MYRIP: variants seen among roughly 807,000 people sequenced by gnomAD.
MYRIP encodes the protein myosin VIIA and Rab interacting protein, also known as rab effector MyRIP.
MYRIP carries 49 observed loss-of-function variants against 98.0 expected under a neutral mutation model. That is an observed-to-expected ratio of 0.50 (90% CI 0.40 to 0.63). The LOEUF is 0.63. MYRIP is among the 30% of genes least tolerant of loss of function. MYRIP has a pLI of 0.00. For missense variants in MYRIP, 1,004 were observed against 1,058.2 expected (o/e 0.95, Z 0.71); for synonymous variants, 404 against 409.5 (o/e 0.99, Z 0.16).
chr3:39,862,809 C>A (rs1346089120), intron 1 of MYRIP, among the ~76,000 whole-genome samples: 1 of 152,166 alleles, frequency 6.6e-6, no homozygotes, highest in Non-Finnish European at 1.5e-5. Context: ...CTACAGAACT[C>A]TCCACTCCAA....
chr3:40,165,462 C>T (rs1950481134), intron 5 of MYRIP, among the ~76,000 whole-genome samples: 1 of 152,110 alleles, frequency 6.6e-6, no homozygotes, highest in Non-Finnish European at 1.5e-5. Flanking sequence ...CAACAGCTTA[C>T]AGGAGATTTG....
chr3:39,987,053 A>G (rs1333199877), intron 2 of MYRIP, among the ~76,000 whole-genome samples: 1 of 152,114 alleles, frequency 6.6e-6, no homozygotes, highest in Non-Finnish European at 1.5e-5. Flanking sequence ...GCTTTGTTAC[A>G]TAGGTATATG....
chr3:40,148,173 A>G (rs946688267), intron 3 of MYRIP, among the ~76,000 whole-genome samples: 2 of 152,110 alleles, frequency 1.3e-5, no homozygotes, highest in African/African-American at 2.4e-5. Flanking sequence ...TTTGCAAAGT[A>G]TTATTTTTTT....
chr3:40,146,424 A>C (rs576667212), intron 3 of MYRIP, among the ~76,000 whole-genome samples: 11 of 152,242 alleles, frequency 7.2e-5, no homozygotes, highest in Non-Finnish European at 2.9e-5. Flanking sequence ...ACATGTGCTC[A>C]GGAAAACCCA....
At chr3:40,092,037 G>A (rs2125883570) in intron 3 of MYRIP, among the ~76,000 whole-genome samples, 1 of 152,292 alleles carries the variant, frequency 6.6e-6, no homozygotes, top group Non-Finnish European at 1.5e-5. Flanking sequence ...AGCTCTGTAA[G>A]CCTTGAAATG....
intron 4 of MYRIP, among the ~76,000 whole-genome samples, chr3:40,156,793 T>C (rs1950252245): frequency 6.6e-6 from 1 of 152,058 alleles, no homozygotes; most frequent in East Asian, 1.9e-4. Context: ...GGCTCTCTGT[T>C]TGTCTGTTGT....
chr3:40,165,271 C>T (rs994219514), intron 5 of MYRIP, among the ~76,000 whole-genome samples: 4 of 152,244 alleles, frequency 2.6e-5, no homozygotes, highest in African/African-American at 9.6e-5. Context: ...GTGACATACT[C>T]ATCAGCTAGC....
intron 1 of MYRIP, among the ~76,000 whole-genome samples, chr3:39,827,810 A>G (rs1941315667): frequency 6.6e-6 from 1 of 152,004 alleles, no homozygotes; most frequent in Admixed American, 6.5e-5. Flanking sequence ...TTGCTTGTCT[A>G]TGAAAGATTT....
At chr3:39,962,133 T>C (rs890506343) in intron 2 of MYRIP, among the ~76,000 whole-genome samples, 3 of 152,130 alleles carry the variant, frequency 2.0e-5, no homozygotes, top group Non-Finnish European at 4.4e-5. Context: ...CTTGAACAAG[T>C]GGCTTAACTT....
intron 3 of MYRIP, among the ~76,000 whole-genome samples, chr3:40,127,238 A>C (rs981285936): frequency 7.2e-5 from 11 of 152,212 alleles, no homozygotes; most frequent in African/African-American, 2.7e-4. Context: ...TCTATAGTAG[A>C]CGCTTAAGCA....
rs143478133 is a variant in MYRIP, at chr3:39,998,471, C to T, written c.111-45579C>T. ...AAATACCTAGGAATCCAACTAACAA[C>T]GGACGTGAAGGACCTCTTCAAGGAG... is the stretch of plus-strand genomic sequence containing the variant. On this transcript the variant is annotated intron_variant, in intron 2 of 16. Coordinates refer to ENST00000302541, the MANE Select transcript of MYRIP (RefSeq NM_015460.4). Among the ~76,000 whole-genome samples the T allele has an allele frequency of 7.8e-3, 1,184 of 152,188 alleles. 12 individuals are homozygous for T. The highest frequency in any genetic ancestry group is 0.027 in the African/African-American group (1,132 of 41,506).
intron 1 of MYRIP, among the ~76,000 whole-genome samples, chr3:39,823,210 G>T (rs1156424052): frequency 6.6e-6 from 1 of 151,962 alleles, no homozygotes; most frequent in African/African-American, 2.4e-5. Flanking sequence ...AGTCGAGATG[G>T]GGTTTTGTCA....
chr3:40,107,801 G>A lies in MYRIP; in HGVS notation c.333-43247G>A, dbSNP rs563281069. Among the ~76,000 whole-genome samples, 4 of 152,156 alleles carry A rather than the reference G, an allele frequency of 2.6e-5. No homozygotes were observed. In the South Asian group the frequency reaches 8.3e-4, roughly 31 times the overall value. Reference sequence around the variant, plus strand: ...AACTAACTGACTGCATTTTAAGTCAGAATTGACAGATACTTTATACAAGGT... The same window carrying A: ...AACTAACTGACTGCATTTTAAGTCAAAATTGACAGATACTTTATACAAGGT... On this transcript the variant is annotated intron_variant, in intron 3 of 16. Coordinates refer to ENST00000302541, the MANE Select transcript of MYRIP (RefSeq NM_015460.4).
At chr3:39,878,900 C>CAA (rs140566973) in intron 1 of MYRIP, among the ~76,000 whole-genome samples, 14 of 123,972 alleles carry the variant, frequency 1.1e-4, no homozygotes, top group African/African-American at 3.9e-4. Context: ...ACTAAAAATA[C>CAA]AAAAAAAAAA....
chr3:40,092,912 C>T (rs1948755687), intron 3 of MYRIP, among the ~76,000 whole-genome samples: 1 of 152,154 alleles, frequency 6.6e-6, no homozygotes, highest in Admixed American at 6.5e-5. Context: ...TGCTAGTGGG[C>T]TTCATGTTCC....
At chr3:40,027,040 C>A (rs1038668500) in intron 2 of MYRIP, among the ~76,000 whole-genome samples, 1 of 152,136 alleles carries the variant, frequency 6.6e-6, no homozygotes, top group African/African-American at 2.4e-5. Context: ...TGGCCCAGCC[C>A]TTCCTCTGAG....
intron 3 of MYRIP, among the ~76,000 whole-genome samples, chr3:40,127,937 C>A (rs1949555107): frequency 6.6e-6 from 1 of 152,238 alleles, no homozygotes; most frequent in African/African-American, 2.4e-5. Context: ...CTCTGAGATG[C>A]CTCACCATTT....
At chr3:39,988,978 A>C (rs1946105124) in intron 2 of MYRIP, among the ~76,000 whole-genome samples, 1 of 151,342 alleles carries the variant, frequency 6.6e-6, no homozygotes, top group Non-Finnish European at 1.5e-5. Context: ...AGCTCAGCGG[A>C]GTTTGTTATT....
chr3:40,188,742 A>G (rs1951110235), intron 9 of MYRIP, among the ~76,000 whole-genome samples: 1 of 151,170 alleles, frequency 6.6e-6, no homozygotes, highest in Non-Finnish European at 1.5e-5. Context: ...GTGCCATTGC[A>G]CTGCAGCCTG....
Sources: gnomAD v4.1 joint callset for allele counts (sites outside exome capture counted in the v4.1 genomes callset) on GRCh38, gnomAD v4.1.1 for gene constraint, MANE v1.5 for transcripts, NCBI Gene and HGNC (gene_info 2026-07-23, HGNC 2026-07-21) for gene names.